Variants in RGS14 observed in about 807,000 individuals in gnomAD.
RGS14 encodes the protein regulator of G-protein signaling 14.
RGS14 carries 33 observed loss-of-function variants against 63.8 expected under a neutral mutation model. The observed-to-expected ratio is 0.52, with a 90% CI of 0.39 to 0.69. RGS14 has a LOEUF of 0.69. RGS14 is among the 30% of genes least tolerant of loss of function. The pLI, the probability that RGS14 is intolerant of heterozygous loss-of-function variation, is 0.00. For synonymous variants in RGS14, 296 were observed against 320.9 expected, an observed-to-expected ratio of 0.92 and a Z score of 0.83; for missense variants, 739 against 742.9, an observed-to-expected ratio of 0.99 and a Z score of 0.06.
Position 177,358,163 on chromosome 5 carries a change from C to A in RGS14, c.45+94C>A. On this transcript the variant is annotated intron_variant, in intron 1 of 14. Transcript: ENST00000408923. The surrounding 1 kb of genome is among the most constrained non-coding windows in gnomAD (Gnocchi z 4.8). ...ACACCCGGCAGGGCCAGGCAAGAGC[C>A]CACGGGCTGCCAGCAGGCGAGAGAA... The A allele has an allele frequency of 4.7e-6, 5 of 1,054,244 alleles. No individual in the cohort carries two copies. Among genetic ancestry groups the A allele is most frequent in the Non-Finnish European group, 6.2e-6 (5 of 811,142 alleles). 65.3% of individuals were successfully genotyped at this position (1,054,244 alleles called of 1,614,324 possible). A position where few individuals can be genotyped will look rare whatever the true frequency, so the allele number is the denominator to read the frequency against.
chr5:177,369,153 A>G, intron 9 of RGS14: 1 of 557,934 alleles, frequency 1.8e-6, no homozygotes, highest in South Asian at 2.0e-5. Flanking sequence ...GGGAGGTAAA[A>G]CTGGAGAGAA....
At chr5:177,365,898 C>T (rs1762079293) in intron 1 of RGS14, 65 bp from the exon 2 acceptor site, 2 of 1,550,514 alleles carry the variant, frequency 1.3e-6, no homozygotes, top group South Asian at 2.2e-5. Flanking sequence ...GGGAGTCGGG[C>T]CCAGAACTGT....
rs1761976870 is a variant in RGS14, at chr5:177,362,015, C to T, written c.45+3946C>T. Reference sequence around the variant, plus strand: ...AGGGCCCCTGCACACCTGCACCTCACTCCGCTGTGGGGTGCTGCTCTGATT... The same window carrying T: ...AGGGCCCCTGCACACCTGCACCTCATTCCGCTGTGGGGTGCTGCTCTGATT... On this transcript the variant is annotated intron_variant, in intron 1 of 14. Transcript: ENST00000408923. Among the ~76,000 whole-genome samples, 4 of 152,340 alleles carry T rather than the reference C, an allele frequency of 2.6e-5. No individual in the cohort carries two copies. The South Asian group carries it at 8.3e-4, about 32-fold the overall frequency.
rs543680339 is a variant in RGS14 at position 177,358,572 on chromosome 5, G to T, written c.45+503G>T. Among the ~76,000 whole-genome samples the T allele has an allele frequency of 2.0e-5, 3 of 152,214 alleles. No homozygotes were observed. The highest frequency in any genetic ancestry group is 7.2e-5 in the African/African-American group (3 of 41,454). ...AGAACTAGCATTGTTTGGGCAGCCC[G>T]GGATGGGGCAGCAGGGTCAGACTAG... On this transcript the variant is annotated intron_variant, in intron 1 of 14. Transcript: ENST00000408923. This position sits in a 1 kb window ranked among gnomAD's most constrained non-coding sequence, Gnocchi z 4.8.
rs984868187 is a variant in RGS14 at position 177,367,516 on chromosome 5, C to T, written c.586C>T (p.Pro196Ser). 85 of 1,612,220 alleles carry T rather than the reference C, an allele frequency of 5.3e-5. No homozygotes were observed. In the East Asian group the frequency reaches 1.9e-3, roughly 36 times the overall value. The change falls in exon 6 of 15, where the codon CCT becomes TCT. Residue 196 changes from proline (P) to serine (S), a missense_variant. Transcript: ENST00000408923. Reference sequence around the variant, plus strand: ...AGCCGAGGGACGCCCTCTGCGGGAACCTGGCTCCTCGCGCCTCGGCAGCCC... The same window carrying T: ...AGCCGAGGGACGCCCTCTGCGGGAATCTGGCTCCTCGCGCCTCGGCAGCCC... ...AEAEGRPLRE[P>S]GSSRLGSPDA...
At chr5:177,361,586 A>G (rs2127326204) in intron 1 of RGS14, among the ~76,000 whole-genome samples, 1 of 152,240 alleles carries the variant, frequency 6.6e-6, no homozygotes, top group Non-Finnish European at 1.5e-5. Flanking sequence ...TCTCAGCTGC[A>G]TGGCTTCTTT....
At chr5:177,367,098 C>G in intron 5 of RGS14, 64 bp downstream of exon 5, 3 of 1,541,440 alleles carry the variant, frequency 1.9e-6, no homozygotes, top group Non-Finnish European at 1.8e-6. Context: ...GGGGTCGGAC[C>G]CTGGCGGGGA....
intron 9 of RGS14, among the ~76,000 whole-genome samples, chr5:177,369,679 T>C (rs1762192497): frequency 6.6e-6 from 1 of 152,140 alleles, no homozygotes; most frequent in Non-Finnish European, 1.5e-5. Flanking sequence ...TGGGGGAGGA[T>C]ATTCCAGGCA....
rs565084209 is a variant in RGS14, at chr5:177,371,778, G to A, written c.1499-95G>A. On this transcript the variant is annotated intron_variant, in intron 14 of 14. Coordinates refer to ENST00000408923, the MANE Select transcript of RGS14 (RefSeq NM_006480.5). The surrounding 1 kb of genome is among the most constrained non-coding windows in gnomAD (Gnocchi z 6.1). ...CCGCAGGCCATTGGTGCTGGGGCCA[G>A]GGAGGCAGTGGCCACAGTAAGGCAG... 2.2e-4 allele frequency: 302 copies of A among 1,384,482 alleles called. 1 individual carries two copies. The Admixed American group carries it at 5.4e-3, about 25-fold the overall frequency. The allele number at this position is 1,384,482 out of a possible 1,614,324, so 85.8% of individuals were successfully genotyped here. A position where few individuals can be genotyped will look rare whatever the true frequency, so the allele number is the denominator to read the frequency against.
chr5:177,370,529 C>T (rs908257454), intron 9 of RGS14, 62 bp from the exon 10 acceptor site: 4 of 1,483,246 alleles, frequency 2.7e-6, no homozygotes, highest in African/African-American at 2.8e-5. Context: ...TGTTCTCAGA[C>T]CCACAGGGAT....
intron 1 of RGS14, among the ~76,000 whole-genome samples, chr5:177,363,287 G>A (rs1762012989): frequency 6.6e-6 from 1 of 152,084 alleles, no homozygotes; most frequent in African/African-American, 2.4e-5. Context: ...GGACAGAGCG[G>A]GGAGCACGAG....
chr5:177,371,677 G>A lies in RGS14; in HGVS notation c.1498+88G>A. On this transcript the variant is annotated intron_variant, in intron 14 of 14. Transcript: ENST00000408923. The surrounding 1 kb of genome is among the most constrained non-coding windows in gnomAD (Gnocchi z 6.1). ...GTGGCATCAGAGAGCCTTGAGCTAA[G>A]GCAGGGGGCTGGGTGCCACTGGGCG... The A allele has an allele frequency of 7.1e-7, 1 of 1,400,282 alleles. No individual in the cohort carries two copies. The highest frequency in any genetic ancestry group is 1.0e-6 in the Non-Finnish European group (1 of 996,042). 86.7% of individuals were successfully genotyped at this position (1,400,282 alleles called of 1,614,324 possible).
Position 177,371,253 on chromosome 5 carries a change from G to A in RGS14, c.1336+7G>A. The A allele has an allele frequency of 1.2e-6, 2 of 1,614,124 alleles. No individual in the cohort carries two copies. Among genetic ancestry groups the A allele is most frequent in the Middle Eastern group, 1.6e-4 (1 of 6,062 alleles). On this transcript the variant is annotated splice_region_variant and intron_variant, in intron 12 of 14. Coordinates refer to ENST00000408923, the MANE Select transcript of RGS14 (RefSeq NM_006480.5). The surrounding 1 kb of genome is among the most constrained non-coding windows in gnomAD (Gnocchi z 6.1). ...GTTTTGGACACTCTTCCAGGTAGGG[G>A]ACGCTGGCCTCGGGGCTTGATCTGG... is the stretch of plus-strand genomic sequence containing the variant.
rs1762056204 is a variant in RGS14, at chr5:177,364,953, A to C, written c.46-1010A>C. Among the ~76,000 whole-genome samples the C allele has an allele frequency of 6.6e-6, 1 of 152,080 alleles. No individual in the cohort carries two copies. Among genetic ancestry groups the C allele is most frequent in the African/African-American group, 2.4e-5 (1 of 41,400 alleles). ...CCCCATCTTGGACCTACTGAACCTG[A>C]ATCTCCAGAGGTGGGGTCCTCCCAC... On this transcript the variant is annotated intron_variant, in intron 1 of 14. Transcript: ENST00000408923. This position sits in a 1 kb window ranked among gnomAD's most constrained non-coding sequence, Gnocchi z 4.6.
intron 8 of RGS14, 26 bp downstream of exon 8, chr5:177,368,292 G>C: frequency 6.3e-7 from 1 of 1,597,566 alleles, no homozygotes; most frequent in African/African-American, 1.3e-5. Context: ...GGGAAGACAA[G>C]ATGCTCTATG....
At chr5:177,367,628 C>T (rs1277257429) in intron 6 of RGS14, 71 bp downstream of exon 6, 3 of 1,581,584 alleles carry the variant, frequency 1.9e-6, no homozygotes, top group Non-Finnish European at 1.7e-6. Flanking sequence ...GGGGACGCCT[C>T]CGGGTGCAGA....
rs1359920330 is a variant in RGS14, at chr5:177,372,050, ACTC to A, written c.1678_1680del (p.Ser560del). 1 of 1,612,784 alleles carries A rather than the reference ACTC, an allele frequency of 6.2e-7. No individual in the cohort carries two copies. Among genetic ancestry groups the A allele is most frequent in the East Asian group, 2.2e-5 (1 of 44,832 alleles). On this transcript the variant is annotated inframe_deletion, in exon 15 of 15. Coordinates refer to ENST00000408923, the MANE Select transcript of RGS14 (RefSeq NM_006480.5). ...GCCCAGCCCATCGGGGGATCCTTGA[ACTC>A]CACCACCGACTCAGCCCTCTGACAG...
In RGS14 at chr5:177,368,331, C is replaced by T. The variant is rs954489776; in HGVS notation, c.849+65C>T. ...TAGAGTCACTACTCAGGCCCATTTACGTGGTGGCCCTCATTCCAAGTTGCT... is the reference window on the plus strand; with the variant it reads ...TAGAGTCACTACTCAGGCCCATTTATGTGGTGGCCCTCATTCCAAGTTGCT... On this transcript the variant is annotated intron_variant, in intron 8 of 14. Coordinates refer to ENST00000408923, the MANE Select transcript of RGS14 (RefSeq NM_006480.5). The T allele has an allele frequency of 1.3e-5, 19 of 1,479,922 alleles. No individual in the cohort carries two copies. In the Admixed American group the frequency reaches 2.0e-4, roughly 15 times the overall value. The allele number at this position is 1,479,922 out of a possible 1,614,324, so 91.7% of individuals were successfully genotyped here.
At chr5:177,363,234 T>C (rs1261801107) in intron 1 of RGS14, among the ~76,000 whole-genome samples, 2 of 147,802 alleles carry the variant, frequency 1.4e-5, no homozygotes, top group African/African-American at 5.0e-5. Flanking sequence ...CCTGTCGCCG[T>C]GGGAAGCACC....
Sources: gnomAD v4.1 joint callset for allele counts (sites outside exome capture counted in the v4.1 genomes callset) on GRCh38, gnomAD v4.1.1 for gene constraint, Gnocchi (gnomAD v3.1) non-coding constraint, MANE v1.5 for transcripts, NCBI Gene and HGNC (gene_info 2026-07-23, HGNC 2026-07-21) for gene names.